TEX26: variants seen among roughly 807,000 people sequenced by gnomAD.
TEX26 encodes testis-expressed protein 26.
Under a neutral mutation model 35.3 loss-of-function variants are expected in TEX26, and 34 were observed. The observed-to-expected ratio is 0.96, with a 90% CI of 0.73 to 1.28. TEX26 has a LOEUF of 1.28. Among genes scored for constraint, TEX26 ranks in the 50% most tolerant of loss-of-function variants. The probability of loss-of-function intolerance (pLI) is 0.00; values close to 1 mark genes in which losing one functional copy is unlikely to be tolerated. For missense variants in TEX26, 371 were observed against 330.1 expected (o/e 1.12, Z -0.96); for synonymous variants, 136 against 111.8 (o/e 1.22, Z -1.36).
At chr13:30,957,112 TCTC>T (rs1954169440) in intron 4 of TEX26, 83 bp downstream of exon 4, 2 of 1,412,850 alleles carry the variant, frequency 1.4e-6, no homozygotes, top group Non-Finnish European at 1.9e-6. Flanking sequence ...CGTGTGTTCT[TCTC>T]CTTCAAGGAA....
intron 4 of TEX26, among the ~76,000 whole-genome samples, chr13:30,961,432 G>A (rs1954338110): frequency 6.6e-6 from 1 of 152,130 alleles, no homozygotes; most frequent in Non-Finnish European, 1.5e-5. Flanking sequence ...CTGTAGTGTG[G>A]GTTACCTAGT....
Position 30,968,926 on chromosome 13 carries a change from A to G in TEX26, c.688A>G (p.Thr230Ala), listed in dbSNP as rs1371346948. ...CAGCTACCTGAGGAACCAAGAGCAC[A>G]CAAAGAAACAGACCACATACCAAAG... ...LHSYLRNQEH[T>A]KKQTTYQSDY... Residue 230 changes from threonine to alanine, a missense_variant, in exon 6 of 7, where the codon ACA (threonine) becomes GCA (alanine). Physicochemically the swap from Thr to Ala is moderately conservative, Grantham distance 58. Coordinates refer to ENST00000380473, the MANE Select transcript of TEX26 (RefSeq NM_152325.3). 6.2e-7 allele frequency: 1 copy of G among 1,614,130 alleles called. No homozygotes were observed. The highest frequency in any genetic ancestry group is 8.5e-7 in the Non-Finnish European group (1 of 1,179,994).
intron 4 of TEX26, among the ~76,000 whole-genome samples, chr13:30,958,359 G>A (rs142062316): frequency 2.0e-5 from 3 of 152,310 alleles, no homozygotes; most frequent in East Asian, 1.9e-4. Flanking sequence ...ACGCACAGAC[G>A]GAAATCTTTT....
intron 2 of TEX26, among the ~76,000 whole-genome samples, chr13:30,944,255 A>G (rs1953618989): frequency 6.6e-6 from 1 of 151,936 alleles, no homozygotes; most frequent in African/African-American, 2.4e-5. Flanking sequence ...TGAGGTGCTC[A>G]TAGTTGTCTT....
rs1260511901 is a variant in TEX26 at position 30,971,565 on chromosome 13, C to T, written c.808+2519C>T. Among the ~76,000 whole-genome samples, 7 of 152,170 alleles carry T rather than the reference C, an allele frequency of 4.6e-5. No homozygotes were observed. In the South Asian group the frequency reaches 8.3e-4, roughly 18 times the overall value. ...GTGAAATACAGAGAAGAGAAAACTC[C>T]AATATGACAAAAACTAACGCTGTGA... On this transcript the variant is annotated intron_variant, in intron 6 of 6. Coordinates refer to ENST00000380473, the MANE Select transcript of TEX26 (RefSeq NM_152325.3).
chr13:30,954,706 C>T (rs1263542568), intron 3 of TEX26, among the ~76,000 whole-genome samples: 2 of 152,174 alleles, frequency 1.3e-5, no homozygotes, highest in Non-Finnish European at 2.9e-5. Flanking sequence ...AATCCTTTCA[C>T]CCTGGCCTTC....
At chr13:30,965,722 G>A (rs1954503031) in intron 4 of TEX26, among the ~76,000 whole-genome samples, 1 of 152,110 alleles carries the variant, frequency 6.6e-6, no homozygotes, top group Admixed American at 6.5e-5. Flanking sequence ...TAAGGGATAA[G>A]CTTCGAGTGT....
At chr13:30,942,027 A>G (rs747075644) in intron 2 of TEX26, among the ~76,000 whole-genome samples, 2 of 152,146 alleles carry the variant, frequency 1.3e-5, no homozygotes, top group Non-Finnish European at 2.9e-5. Flanking sequence ...GTAGATACCT[A>G]GTGGTGGCAT....
rs779184166 is a variant in TEX26 at position 30,952,690 on chromosome 13, A to T, written c.177A>T (p.Thr59=). The T allele has an allele frequency of 1.2e-6, 2 of 1,607,884 alleles. No homozygotes were observed. The highest frequency in any genetic ancestry group is 1.7e-5 in the Admixed American group (1 of 59,074). The part of the protein sequence containing the change: ...RQNGIRRLGY[T]YSLSDPILNQ... ...ACGGTATCAGAAGATTAGGATATAC[A>T]TATTCACTTAGTGATCCTATTCTCA... The change falls in exon 3 of 7, where the codon ACA becomes ACT. Residue 59 remains threonine, a synonymous_variant. Transcript: ENST00000380473.
At chr13:30,957,108 T>C (rs1954169240) in intron 4 of TEX26, 79 bp downstream of exon 4, 2 of 1,419,728 alleles carry the variant, frequency 1.4e-6, no homozygotes, top group Non-Finnish European at 1.9e-6. Flanking sequence ...CATGCGTGTG[T>C]TCTTCTCCTT....
chr13:30,964,482 T>C (rs1384667670), intron 4 of TEX26, among the ~76,000 whole-genome samples: 3 of 152,222 alleles, frequency 2.0e-5, no homozygotes, highest in African/African-American at 7.2e-5. Flanking sequence ...AGCACAGAAC[T>C]GATATAGGAA....
intron 4 of TEX26, 146 bp downstream of exon 4, chr13:30,957,175 A>C: frequency 1.3e-6 from 1 of 791,188 alleles, no homozygotes; most frequent in South Asian, 2.0e-5. Context: ...AAAACCATCA[A>C]GTATAAAAAG....
At chr13:30,949,102 C>T (rs1268414323) in intron 2 of TEX26, among the ~76,000 whole-genome samples, 1 of 152,100 alleles carries the variant, frequency 6.6e-6, no homozygotes, top group Admixed American at 6.6e-5. Context: ...TGGTCTATAT[C>T]TCTGTTTTGG....
At chr13:30,956,350 A>G (rs535328659) in intron 3 of TEX26, among the ~76,000 whole-genome samples, 1 of 151,698 alleles carries the variant, frequency 6.6e-6, no homozygotes, top group Non-Finnish European at 1.5e-5. Context: ...TGAACTCATC[A>G]TTTTTTATGG....
intron 1 of TEX26, chr13:30,936,645 T>C: frequency 1.0e-6 from 1 of 974,932 alleles, no homozygotes; most frequent in Non-Finnish European, 1.2e-6. Context: ...AGCTCATCTC[T>C]TGGCCTGTGA....
In TEX26 at chr13:30,962,600, G is replaced by A. The variant is rs375350982; in HGVS notation, c.470-3622G>A. On this transcript the variant is annotated intron_variant, in intron 4 of 6. Transcript: ENST00000380473. The stretch of plus-strand genomic sequence containing the variant: ...CTTCTTTTGTAGGACTTATGATATT[G>A]TAATAATCTAAGCTTCTGAAGAACA... Among the ~76,000 whole-genome samples the A allele has an allele frequency of 9.9e-5, 15 of 152,238 alleles. 1 individual carries two copies. The East Asian group carries it at 2.3e-3, about 24-fold the overall frequency.
At chr13:30,956,543 C>T (rs1954138771) in intron 3 of TEX26, among the ~76,000 whole-genome samples, 1 of 152,162 alleles carries the variant, frequency 6.6e-6, no homozygotes, top group Non-Finnish European at 1.5e-5. Flanking sequence ...ACTGCCTGTG[C>T]TCCTTGGGAA....
At position 30,941,412 on chromosome 13, in the gene TEX26, G is replaced by A. The variant is rs534446064; in HGVS notation, c.146+1634G>A. On this transcript the variant is annotated intron_variant, in intron 2 of 6. Transcript: ENST00000380473. ...TTAGGATGAAAGCCAAAAACAAATAGATAACTTAGGGAGTCTAGGTCAGTG... is the reference window on the plus strand; with the variant it reads ...TTAGGATGAAAGCCAAAAACAAATAAATAACTTAGGGAGTCTAGGTCAGTG... Among the ~76,000 whole-genome samples, 8 of 152,286 alleles carry A rather than the reference G, an allele frequency of 5.3e-5. No homozygotes were observed. In the South Asian group the frequency reaches 1.7e-3, roughly 32 times the overall value.
intron 3 of TEX26, among the ~76,000 whole-genome samples, chr13:30,954,475 G>A (rs776639700): frequency 1.3e-4 from 20 of 150,578 alleles, no homozygotes; most frequent in Middle Eastern, 3.5e-3. Flanking sequence ...ATATATTACA[G>A]ACAAGATCTT....
Sources: allele counts gnomAD v4.1 joint callset (sites outside exome capture counted in the v4.1 genomes callset), GRCh38; gene constraint gnomAD v4.1.1; transcripts MANE v1.5; gene names NCBI Gene and HGNC (gene_info 2026-07-23, HGNC 2026-07-21).